The following ARHGAP26 variants were observed in gnomAD, a reference collection of about 807,000 sequenced individuals.
The protein encoded by ARHGAP26 is rho GTPase-activating protein 26.
In ARHGAP26, 38 loss-of-function variants were observed where a neutral mutation model predicts 104.8. The ratio of observed to expected loss-of-function variants is 0.36; its 90% CI spans 0.28 to 0.48. ARHGAP26 has a LOEUF of 0.48. Among genes scored for constraint, ARHGAP26 ranks in the 20% least tolerant of loss-of-function variants. ARHGAP26 has a pLI of 0.99. For synonymous variants in ARHGAP26, 341 were observed against 340.0 expected (o/e 1.00, Z -0.03); for missense variants, 704 against 947.9 (o/e 0.74, Z 3.38).
intron 20 of ARHGAP26, among the ~76,000 whole-genome samples, chr5:143,201,021 C>T (rs1278154300): frequency 6.6e-6 from 1 of 152,262 alleles, no homozygotes; most frequent in East Asian, 1.9e-4. Flanking sequence ...ACCCATTATG[C>T]TGCCAAGCCT....
chr5:142,861,479 G>GCAAGGAGTGT (rs1337880896), intron 1 of ARHGAP26, among the ~76,000 whole-genome samples: 1 of 151,962 alleles, frequency 6.6e-6, no homozygotes, highest in Non-Finnish European at 1.5e-5. Context: ...GGTATTAGTG[G>GCAAGGAGTGT]CAAGGAGTGT....
intron 17 of ARHGAP26, among the ~76,000 whole-genome samples, chr5:143,082,974 A>T (rs376564201): frequency 6.6e-6 from 1 of 152,214 alleles, no homozygotes; most frequent in East Asian, 1.9e-4. Flanking sequence ...ATATTCTTTA[A>T]GCAAAGATTG....
chr5:143,174,894 GA>G (rs1050591496), intron 20 of ARHGAP26, among the ~76,000 whole-genome samples: 6 of 152,158 alleles, frequency 3.9e-5, no homozygotes, highest in Admixed American at 2.6e-4. Flanking sequence ...ACCTGTCAGG[GA>G]CTGATAAGTA....
At chr5:142,993,157 GGT>G (rs1491528209) in intron 11 of ARHGAP26, among the ~76,000 whole-genome samples, 15 of 133,090 alleles carry the variant, frequency 1.1e-4, no homozygotes, top group Admixed American at 3.8e-4. Flanking sequence ...ATTTTTGTGT[GGT>G]TTTTTTTTTT....
intron 10 of ARHGAP26, among the ~76,000 whole-genome samples, chr5:142,926,915 G>A (rs1763991128): frequency 6.6e-6 from 1 of 152,134 alleles, no homozygotes; most frequent in Admixed American, 6.5e-5. Context: ...CTGACACTTT[G>A]AAATGCCGCA....
At chr5:143,068,948 C>T (rs946693930) in intron 17 of ARHGAP26, among the ~76,000 whole-genome samples, 3 of 152,184 alleles carry the variant, frequency 2.0e-5, no homozygotes, top group African/African-American at 7.2e-5. Context: ...TTCCCACTCT[C>T]TCCTCCTTGA....
intron 17 of ARHGAP26, 85 bp downstream of exon 17, chr5:143,057,832 G>T: frequency 4.4e-6 from 5 of 1,142,702 alleles, no homozygotes; most frequent in South Asian, 1.2e-5. Flanking sequence ...TTCTGCTTTT[G>T]TTTCTCTCTC....
rs1288449552 is a variant in ARHGAP26 at position 142,770,849 on chromosome 5, G to A, written c.88G>A (p.Asp30Asn). 6.2e-7 allele frequency: 1 copy of A among 1,612,264 alleles called. No homozygotes were observed. Among genetic ancestry groups the A allele is most frequent in the Non-Finnish European group, 8.5e-7 (1 of 1,179,060 alleles). ...ETLKSHEAELDKTNKFIKELI... is the reference protein window; with the variant it reads ...ETLKSHEAELNKTNKFIKELI... Reference sequence around the variant, plus strand: ...GCTCAAGTCGCACGAAGCAGAGCTGGACAAGACCAACAAATTCATCAAGGA... The same window carrying A: ...GCTCAAGTCGCACGAAGCAGAGCTGAACAAGACCAACAAATTCATCAAGGA... Residue 30 changes from aspartate (D) to asparagine (N), a missense_variant, in exon 1 of 23, where the codon GAC becomes AAC. By Grantham distance (23) the Asp-to-Asn change is conservative. Transcript: ENST00000645722.
chr5:143,059,950 T>A (rs1786460254), intron 17 of ARHGAP26, among the ~76,000 whole-genome samples: 1 of 152,234 alleles, frequency 6.6e-6, no homozygotes, highest in Non-Finnish European at 1.5e-5. Context: ...GAGAAGGATA[T>A]GAATGAGCAG....
At chr5:143,200,017 C>T (rs1378696244) in intron 20 of ARHGAP26, among the ~76,000 whole-genome samples, 1 of 152,178 alleles carries the variant, frequency 6.6e-6, no homozygotes, top group African/African-American at 2.4e-5. Flanking sequence ...ACCCTCTTGT[C>T]AAAATGCCCT....
chr5:143,049,611 T>C (rs1784707103), intron 14 of ARHGAP26, among the ~76,000 whole-genome samples: 1 of 152,224 alleles, frequency 6.6e-6, no homozygotes, highest in Non-Finnish European at 1.5e-5. Flanking sequence ...TTTTATCTTC[T>C]GTTTAATCAA....
rs565661147 is a variant in ARHGAP26 at position 142,942,727 on chromosome 5, G to A, written c.1107+10602G>A. On this transcript the variant is annotated intron_variant, in intron 11 of 22. Transcript: ENST00000645722. ...CCAGGAATTATACATTGATTAGTGG[G>A]ACTATTTGATTAATGTCTGTCTGCC... 2.6e-5 allele frequency among the ~76,000 whole-genome samples: 4 copies of A among 152,266 alleles called. No homozygotes were observed. The South Asian group carries it at 8.3e-4, about 32-fold the overall frequency.
intron 11 of ARHGAP26, among the ~76,000 whole-genome samples, chr5:142,980,000 G>A (rs898389007): frequency 6.6e-6 from 1 of 152,224 alleles, no homozygotes; most frequent in African/African-American, 2.4e-5. Flanking sequence ...AGATCAAGAT[G>A]TAGAACATTT....
chr5:142,859,653 G>A (rs1414145768), intron 1 of ARHGAP26: 2 of 152,120 alleles, frequency 1.3e-5, no homozygotes, highest in Admixed American at 6.5e-5. Context: ...CAGTGGAAAT[G>A]TTGCACAAAA....
chr5:143,166,301 T>A (rs995127219), intron 20 of ARHGAP26, among the ~76,000 whole-genome samples: 1 of 152,092 alleles, frequency 6.6e-6, no homozygotes, highest in African/African-American at 2.4e-5. Context: ...TGAGGGAGTG[T>A]GGGCAGGAAG....
chr5:143,194,615 C>T, intron 20 of ARHGAP26, among the ~76,000 whole-genome samples: 1 of 151,578 alleles, frequency 6.6e-6, no homozygotes, highest in East Asian at 1.9e-4. Context: ...TGTGTTTTGC[C>T]ATGTCCATTT....
At chr5:143,138,526 A>G (rs1185849759) in intron 19 of ARHGAP26, among the ~76,000 whole-genome samples, 1 of 152,208 alleles carries the variant, frequency 6.6e-6, no homozygotes, top group African/African-American at 2.4e-5. Context: ...GTTTTGAGAA[A>G]GATACAAAAT....
intron 11 of ARHGAP26, among the ~76,000 whole-genome samples, chr5:142,937,471 C>T (rs573055837): frequency 6.6e-6 from 1 of 152,332 alleles, no homozygotes; most frequent in East Asian, 1.9e-4. Flanking sequence ...AACAGCCATG[C>T]TGGCAAGTCA....
At chr5:142,858,065 G>C (rs897480687) in intron 1 of ARHGAP26, among the ~76,000 whole-genome samples, 1 of 133,506 alleles carries the variant, frequency 7.5e-6, no homozygotes, top group Non-Finnish European at 1.6e-5. Flanking sequence ...GAGAATCTGT[G>C]TGTGTGTGTG....
Sources: allele counts gnomAD v4.1 joint callset (sites outside exome capture counted in the v4.1 genomes callset), GRCh38; gene constraint gnomAD v4.1.1; transcripts MANE v1.5; gene names NCBI Gene and HGNC (gene_info 2026-07-23, HGNC 2026-07-21).